GATA6: variants seen among roughly 807,000 people sequenced by gnomAD.
GATA6 encodes transcription factor GATA-6.
In GATA6, 11 loss-of-function variants were observed where a neutral mutation model predicts 48.1. The ratio of observed to expected loss-of-function variants is 0.23; its 90% CI spans 0.14 to 0.38. The LOEUF (loss-of-function observed/expected upper bound fraction) is 0.38, where lower values mean the gene tolerates loss of function less well. GATA6 is among the 10% of genes least tolerant of loss of function. The pLI is 1.00. For synonymous variants in GATA6, 419 were observed against 396.1 expected, an observed-to-expected ratio of 1.06 and a Z score of -0.69; for missense variants, 795 against 850.3, an observed-to-expected ratio of 0.93 and a Z score of 0.81.
At chr18:22,184,003 A>G (rs2033230663) in intron 6 of GATA6, among the ~76,000 whole-genome samples, 1 of 152,198 alleles carries the variant, frequency 6.6e-6, no homozygotes, top group African/African-American at 2.4e-5. Flanking sequence ...GGTACTTTAA[A>G]ATACTACAGA....
At chr18:22,186,453 G>A (rs1178137396) in intron 6 of GATA6, among the ~76,000 whole-genome samples, 2 of 152,180 alleles carry the variant, frequency 1.3e-5, no homozygotes, top group Non-Finnish European at 2.9e-5. Context: ...AGTTGTAGGA[G>A]ATCACCGGTA....
At chr18:22,194,715 C>A (rs555097209) in intron 6 of GATA6, among the ~76,000 whole-genome samples, 38 of 151,582 alleles carry the variant, frequency 2.5e-4, no homozygotes, top group African/African-American at 7.3e-4. Flanking sequence ...CTCCGCCCCC[C>A]CCTCCCAACA....
At chr18:22,188,114 TTTAAG>T (rs1310416652) in intron 6 of GATA6, among the ~76,000 whole-genome samples, 6 of 152,288 alleles carry the variant, frequency 3.9e-5, no homozygotes, top group African/African-American at 1.4e-4. Context: ...GTAAACCCTA[TTTAAG>T]TTAATATTAA....
intron 6 of GATA6, among the ~76,000 whole-genome samples, chr18:22,191,183 T>TC (rs1206031079): frequency 6.6e-6 from 1 of 152,104 alleles, no homozygotes; most frequent in Non-Finnish European, 1.5e-5. Context: ...GTAACATATG[T>TC]CCACATAATT....
rs759803261 is a variant in GATA6 at position 22,200,641 on chromosome 18, C to T, written c.1621-15C>T. Reference sequence around the variant, plus strand: ...CACCTTCTCGTCTCTCCTCTGTGTCCCCCTCTTCTGCCAGGCGGGTGCCCC... The same window carrying T: ...CACCTTCTCGTCTCTCCTCTGTGTCTCCCTCTTCTGCCAGGCGGGTGCCCC... On this transcript the variant is annotated splice_polypyrimidine_tract_variant and intron_variant, in intron 6 of 6. Coordinates refer to ENST00000269216, the MANE Select transcript of GATA6 (RefSeq NM_005257.6). 1.3e-5 allele frequency: 21 copies of T among 1,614,126 alleles called. No individual in the cohort carries two copies. Among genetic ancestry groups the T allele is most frequent in the Non-Finnish European group, 8.5e-7 (1 of 1,180,030 alleles).
chr18:22,197,044 C>T (rs2033398689), intron 6 of GATA6, among the ~76,000 whole-genome samples: 1 of 151,004 alleles, frequency 6.6e-6, no homozygotes, highest in South Asian at 2.1e-4. Context: ...TGTTCTCAGA[C>T]ACTGTTACAA....
chr18:22,194,921 T>C (rs2033371814), intron 6 of GATA6, among the ~76,000 whole-genome samples: 1 of 152,100 alleles, frequency 6.6e-6, no homozygotes, highest in African/African-American at 2.4e-5. Context: ...ATCCCAGTAC[T>C]TTGGGAGGTC....
intron 6 of GATA6, among the ~76,000 whole-genome samples, chr18:22,199,011 G>A (rs1328101628): frequency 6.6e-6 from 1 of 152,136 alleles, no homozygotes; most frequent in Non-Finnish European, 1.5e-5. Flanking sequence ...GGAAGGAGTG[G>A]TTACCTGTGG....
rs372228686 is a variant in GATA6 at position 22,171,514 on chromosome 18, G to A, written c.370G>A (p.Ala124Thr). ...LFTDLDQAAT[A>T]SKLLWSSRGA... is the part of the protein sequence containing the mutation. ...CACTGACCTCGACCAAGCCGCGACC[G>A]CCAGCAAGCTGCTGTGGTCCAGCCG... Residue 124 changes from alanine to threonine, a missense_variant, in exon 2 of 7, where the codon GCC becomes ACC. This residue lies in a region of GATA6 where 591 missense variants were observed against 570.0 expected (regional missense o/e 1.04). Coordinates refer to ENST00000269216, the MANE Select transcript of GATA6 (RefSeq NM_005257.6). The surrounding 1 kb of genome is among the most constrained non-coding windows in gnomAD (Gnocchi z 7.1). The A allele has an allele frequency of 6.9e-6, 11 of 1,603,200 alleles. No homozygotes were observed. The highest frequency in any genetic ancestry group is 8.5e-6 in the Non-Finnish European group (10 of 1,179,622).
chr18:22,180,732 T>C (rs2033183898), intron 3 of GATA6, among the ~76,000 whole-genome samples: 1 of 140,562 alleles, frequency 7.1e-6, no homozygotes, highest in Admixed American at 6.8e-5. Context: ...TTTCTAATAA[T>C]GTACTTTCAA....
At chr18:22,178,097 G>A (rs1326206873) in intron 3 of GATA6, among the ~76,000 whole-genome samples, 3 of 151,766 alleles carry the variant, frequency 2.0e-5, no homozygotes, top group Non-Finnish European at 4.4e-5. Context: ...GAGTAGCTGG[G>A]ATTACAGGCA....
Position 22,171,331 on chromosome 18 carries a change from C to T in GATA6, c.187C>T (p.Pro63Ser), listed in dbSNP as rs559705145. ...GPGGASNCGT[P>S]QLDTEAAAGP... is the part of the protein sequence containing the mutation. The stretch of plus-strand genomic sequence containing the variant: ...CGGCGGCGCCAGCAACTGCGGGACG[C>T]CTCAGCTCGACACGGAGGCGGCGGC... The change falls in exon 2 of 7, where the codon CCT becomes TCT. Residue 63 changes from proline to serine, a missense_variant. By Grantham distance (74) the Pro-to-Ser change is moderately conservative. Transcript: ENST00000269216. This position sits in a 1 kb window ranked among gnomAD's most constrained non-coding sequence, Gnocchi z 7.1. 9.4e-6 allele frequency: 15 copies of T among 1,588,590 alleles called. No individual in the cohort carries two copies. The highest frequency in any genetic ancestry group is 2.2e-5 in the East Asian group (1 of 44,482).
intron 6 of GATA6, among the ~76,000 whole-genome samples, chr18:22,190,650 T>G (rs2033314645): frequency 6.6e-6 from 1 of 151,974 alleles, no homozygotes; most frequent in Admixed American, 6.6e-5. Flanking sequence ...AGATCCGGAG[T>G]GACTCCTTAA....
At chr18:22,181,881 A>G (rs1471982700) in intron 4 of GATA6, among the ~76,000 whole-genome samples, 1 of 151,122 alleles carries the variant, frequency 6.6e-6, no homozygotes, top group East Asian at 1.9e-4. Flanking sequence ...TGAAAATGTG[A>G]AAAGTGTGTA....
At chr18:22,176,871 T>G (rs1242293035) in intron 2 of GATA6, 84 bp from the exon 3 acceptor site, 1 of 1,446,520 alleles carries the variant, frequency 6.9e-7, no homozygotes, top group Non-Finnish European at 9.1e-7. Flanking sequence ...GCACCGGGGC[T>G]GGGGGCCGGG....
intron 3 of GATA6, 79 bp downstream of exon 3, chr18:22,177,200 C>T (rs2033134054): frequency 7.2e-7 from 1 of 1,389,044 alleles, no homozygotes; most frequent in Non-Finnish European, 9.5e-7. Context: ...CCTGGCTCGG[C>T]CTGCCTTGGG....
intron 6 of GATA6, among the ~76,000 whole-genome samples, chr18:22,197,077 TTC>T (rs1373209711): frequency 1.9e-5 from 2 of 107,050 alleles, no homozygotes; most frequent in African/African-American, 4.2e-5. Flanking sequence ...TATTAGCCAA[TTC>T]TTTTTTTTTT....
chr18:22,185,316 A>G lies in GATA6; in HGVS notation c.1620+2273A>G, dbSNP rs2033250369. 6.6e-6 allele frequency among the ~76,000 whole-genome samples: 1 copy of G among 152,206 alleles called. No individual in the cohort carries two copies. The highest frequency in any genetic ancestry group is 1.5e-5 in the Non-Finnish European group (1 of 68,040). ...CCAGAGGCCAGGAGGCAAAGCAACAAGGATGTTAAGGATGGGGTTGGAGAG... is the reference window on the plus strand; with the variant it reads ...CCAGAGGCCAGGAGGCAAAGCAACAGGGATGTTAAGGATGGGGTTGGAGAG... On this transcript the variant is annotated intron_variant, in intron 6 of 6. Transcript: ENST00000269216. The surrounding 1 kb of genome is among the most constrained non-coding windows in gnomAD (Gnocchi z 4.3).
rs769055281 is a variant in GATA6, at chr18:22,180,689, T to TAAAA, written c.1303-759_1303-756dup. On this transcript the variant is annotated intron_variant, in intron 3 of 6. Coordinates refer to ENST00000269216, the MANE Select transcript of GATA6 (RefSeq NM_005257.6). Reference sequence around the variant, plus strand: ...TTCAAATATATTTCTTTTTTTTTTTTAAAAAAAACTTTTACCCCTCTTCTG... The same window carrying TAAAA: ...TTCAAATATATTTCTTTTTTTTTTTTAAAAAAAAAAAACTTTTACCCCTCTTCTG... 1.8e-3 allele frequency among the ~76,000 whole-genome samples: 279 copies of TAAAA among 150,870 alleles called. 1 individual carries two copies. The highest frequency in any genetic ancestry group is 6.6e-3 in the African/African-American group (269 of 41,028).
Sources: gnomAD v4.1 joint callset for allele counts (sites outside exome capture counted in the v4.1 genomes callset) on GRCh38, gnomAD v4.1.1 for gene constraint, gnomAD v4.1.1 regional missense constraint, Gnocchi (gnomAD v3.1) non-coding constraint, MANE v1.5 for transcripts, NCBI Gene and HGNC (gene_info 2026-07-23, HGNC 2026-07-21) for gene names.